The following DENND1A variants were observed in gnomAD, a reference collection of about 807,000 sequenced individuals.
DENND1A encodes DENN domain-containing protein 1A.
In DENND1A, 51 loss-of-function variants were observed where a neutral mutation model predicts 113.7. The ratio of observed to expected loss-of-function variants is 0.45; its 90% CI spans 0.36 to 0.57. DENND1A has a LOEUF of 0.57. Among genes scored for constraint, DENND1A ranks in the 20% least tolerant of loss-of-function variants. The pLI, the probability that DENND1A is intolerant of heterozygous loss-of-function variation, is 0.00. For missense variants in DENND1A, 1,258 were observed against 1,395.9 expected (o/e 0.90, Z 1.57); for synonymous variants, 565 against 570.8 (o/e 0.99, Z 0.14).
chr9:123,829,515 A>G (rs1590261059), intron 2 of DENND1A, among the ~76,000 whole-genome samples: 1 of 152,248 alleles, frequency 6.6e-6, no homozygotes, highest in Middle Eastern at 3.4e-3. Flanking sequence ...GTAAAAGGAG[A>G]TAAATTCAAA....
intron 9 of DENND1A, among the ~76,000 whole-genome samples, chr9:123,650,714 C>T (rs1419712160): frequency 6.6e-6 from 1 of 151,932 alleles, no homozygotes; most frequent in Non-Finnish European, 1.5e-5. Context: ...CGAGACCAGC[C>T]TGGTCAACAT....
intron 13 of DENND1A, among the ~76,000 whole-genome samples, chr9:123,545,753 C>T (rs1314887346): frequency 6.6e-6 from 1 of 152,138 alleles, no homozygotes; most frequent in Non-Finnish European, 1.5e-5. Flanking sequence ...AGGTGTGAGA[C>T]ACCACGCCCA....
chr9:123,896,247 G>A (rs1052081771), intron 1 of DENND1A, among the ~76,000 whole-genome samples: 1 of 152,114 alleles, frequency 6.6e-6, no homozygotes, highest in African/African-American at 2.4e-5. Flanking sequence ...AGGAGTTCAA[G>A]GCTGCAGTCA....
intron 20 of DENND1A, among the ~76,000 whole-genome samples, chr9:123,409,436 AG>A (rs555693975): frequency 2.1e-4 from 32 of 151,854 alleles, no homozygotes; most frequent in Admixed American, 1.8e-3. Context: ...ATTTTGGATT[AG>A]GGGCACACAA....
chr9:123,924,487 C>T (rs772198952), intron 1 of DENND1A, among the ~76,000 whole-genome samples: 2 of 151,860 alleles, frequency 1.3e-5, no homozygotes, highest in Non-Finnish European at 2.9e-5. Context: ...CATGGTGAAA[C>T]TAAAAATACA....
chr9:123,514,245 G>A (rs539481614), intron 13 of DENND1A, among the ~76,000 whole-genome samples: 1 of 152,102 alleles, frequency 6.6e-6, no homozygotes, highest in Non-Finnish European at 1.5e-5. Context: ...ACATGGAATG[G>A]TCCACGTGGA....
chr9:123,445,346 G>A (rs1053946969), intron 18 of DENND1A, among the ~76,000 whole-genome samples: 7 of 152,232 alleles, frequency 4.6e-5, no homozygotes, highest in Non-Finnish European at 1.0e-4. Context: ...GCGGCCCAGC[G>A]GCCAGGGCAT....
intron 4 of DENND1A, among the ~76,000 whole-genome samples, chr9:123,765,075 T>C (rs758671616): frequency 2.4e-4 from 36 of 152,308 alleles, no homozygotes; most frequent in Non-Finnish European, 4.1e-4. Context: ...ACTGGTCCTA[T>C]GTCTGTGTGG....
At chr9:123,830,069 TA>T (rs1839950853) in intron 2 of DENND1A, among the ~76,000 whole-genome samples, 1 of 152,194 alleles carries the variant, frequency 6.6e-6, no homozygotes, top group Non-Finnish European at 1.5e-5. Flanking sequence ...TATCTATTTT[TA>T]AAAACTGTGT....
intron 8 of DENND1A, among the ~76,000 whole-genome samples, chr9:123,652,973 T>C (rs76257323): frequency 0.019 from 2,876 of 152,284 alleles, 79 homozygotes; most frequent in African/African-American, 0.064. Flanking sequence ...CACATGAATA[T>C]GCTAATTTCT....
chr9:123,729,549 C>T (rs1032665025), intron 5 of DENND1A, among the ~76,000 whole-genome samples: 7 of 152,122 alleles, frequency 4.6e-5, no homozygotes, highest in African/African-American at 1.7e-4. Flanking sequence ...ATACAACTTA[C>T]AAGGGATGTG....
chr9:123,635,275 G>A (rs1485889444), intron 9 of DENND1A, among the ~76,000 whole-genome samples: 1 of 152,206 alleles, frequency 6.6e-6, no homozygotes, highest in Non-Finnish European at 1.5e-5. Flanking sequence ...GCAAAGTATT[G>A]TTTTAAAGGA....
At chr9:123,391,142 G>C (rs1368159177) in intron 21 of DENND1A, among the ~76,000 whole-genome samples, 2 of 152,256 alleles carry the variant, frequency 1.3e-5, no homozygotes, top group African/African-American at 2.4e-5. Context: ...GGGGAAGAGA[G>C]GGAACCGCAG....
chr9:123,702,741 G>C (rs1034048962), intron 5 of DENND1A, among the ~76,000 whole-genome samples: 2 of 152,168 alleles, frequency 1.3e-5, no homozygotes, highest in Non-Finnish European at 2.9e-5. Flanking sequence ...GAGAGAGAAA[G>C]ATTTTTCCAG....
At chr9:123,769,095 G>C (rs924591385) in intron 4 of DENND1A, among the ~76,000 whole-genome samples, 3 of 152,034 alleles carry the variant, frequency 2.0e-5, no homozygotes, top group Non-Finnish European at 4.4e-5. Context: ...GATAGGGCTA[G>C]GCTGATTTAA....
intron 1 of DENND1A, among the ~76,000 whole-genome samples, chr9:123,909,204 G>A (rs187605052): frequency 3.3e-5 from 5 of 152,022 alleles, no homozygotes; most frequent in East Asian, 3.9e-4. Flanking sequence ...GTGGTGGGGT[G>A]GGGGGAGTGG....
At chr9:123,926,305 C>T (rs1857082183) in intron 1 of DENND1A, among the ~76,000 whole-genome samples, 1 of 152,106 alleles carries the variant, frequency 6.6e-6, no homozygotes, top group South Asian at 2.1e-4. Context: ...GCTCACATCA[C>T]ACCTGTAATC....
intron 20 of DENND1A, among the ~76,000 whole-genome samples, chr9:123,409,919 G>A (rs1313514195): frequency 3.3e-5 from 5 of 151,980 alleles, no homozygotes; most frequent in Admixed American, 6.6e-5. Context: ...GTGAAACCCC[G>A]TCTCTATTAA....
intron 8 of DENND1A, 87 bp from the exon 9 acceptor site, chr9:123,652,210 A>G: frequency 8.8e-7 from 1 of 1,139,402 alleles, no homozygotes; most frequent in Non-Finnish European, 1.3e-6. Context: ...GAAACATAAA[A>G]TAATCAGAAA....
Sources: gnomAD v4.1 joint callset for allele counts (sites outside exome capture counted in the v4.1 genomes callset) on GRCh38, gnomAD v4.1.1 for gene constraint, MANE v1.5 for transcripts, NCBI Gene and HGNC (gene_info 2026-07-23, HGNC 2026-07-21) for gene names.